HSD17B11: variants seen among roughly 807,000 people sequenced by gnomAD.
HSD17B11 encodes hydroxysteroid 17-beta dehydrogenase 11, also known as estradiol 17-beta-dehydrogenase 11.
HSD17B11 carries 22 observed loss-of-function variants against 27.8 expected under a neutral mutation model. The observed-to-expected ratio is 0.79, with a 90% CI of 0.56 to 1.13. HSD17B11 has a LOEUF of 1.13. HSD17B11 is among the 50% of genes most tolerant of loss of function. The pLI, the probability that HSD17B11 is intolerant of heterozygous loss-of-function variation, is 0.00. For synonymous variants in HSD17B11, 117 were observed against 132.8 expected, an observed-to-expected ratio of 0.88 and a Z score of 0.82; for missense variants, 314 against 351.1, an observed-to-expected ratio of 0.89 and a Z score of 0.84.
At chr4:87,343,696 T>C (rs1039009015) in intron 5 of HSD17B11, among the ~76,000 whole-genome samples, 6 of 151,968 alleles carry the variant, frequency 3.9e-5, no homozygotes, top group Non-Finnish European at 5.9e-5. Context: ...TACAGGCATG[T>C]GCCACCACGC....
chr4:87,382,329 C>T lies in HSD17B11; in HGVS notation c.244G>A (p.Gly82Arg). ...GLEETAAKCK[G>R]LGAKVHTFVV... ...AAGGTATGAACCTTGGCACCCAGTC[C>T]CTTGCATTTGGCAGCTGTTTCCTCC... The change falls in exon 2 of 7, where the codon GGA (glycine) becomes AGA (arginine). Residue 82 changes from glycine to arginine, a missense_variant. Coordinates refer to ENST00000358290, the MANE Select transcript of HSD17B11 (RefSeq NM_016245.5). 6.2e-7 allele frequency: 1 copy of T among 1,613,852 alleles called. No individual in the cohort carries two copies. The highest frequency in any genetic ancestry group is 1.3e-5 in the African/African-American group (1 of 75,016).
At chr4:87,367,947 G>A (rs1417004346) in intron 4 of HSD17B11, among the ~76,000 whole-genome samples, 2 of 152,176 alleles carry the variant, frequency 1.3e-5, no homozygotes, top group African/African-American at 4.8e-5. Flanking sequence ...CCCTTTGTGT[G>A]GGAACACAGG....
At chr4:87,341,198 G>T (rs1050210308) in intron 5 of HSD17B11, among the ~76,000 whole-genome samples, 2 of 151,894 alleles carry the variant, frequency 1.3e-5, no homozygotes, top group African/African-American at 2.4e-5. Context: ...TTGAGGCAGG[G>T]TCTCACTCTG....
At chr4:87,371,286 A>C (rs2110124512) in intron 4 of HSD17B11, among the ~76,000 whole-genome samples, 1 of 152,360 alleles carries the variant, frequency 6.6e-6, no homozygotes, top group Admixed American at 6.5e-5. Flanking sequence ...AGCCATGAAA[A>C]TGATCACACT....
intron 4 of HSD17B11, among the ~76,000 whole-genome samples, chr4:87,370,395 C>G (rs1355949849): frequency 6.6e-6 from 1 of 152,046 alleles, no homozygotes; most frequent in African/African-American, 2.4e-5. Flanking sequence ...TTATAGCATT[C>G]TAAATAAGTT....
At chr4:87,381,387 G>A (rs114590500) in intron 2 of HSD17B11, among the ~76,000 whole-genome samples, 1,776 of 152,208 alleles carry the variant, frequency 0.012, 39 homozygotes, top group African/African-American at 0.041. Flanking sequence ...ACAGGTACAA[G>A]CGAGAATGCG....
intron 2 of HSD17B11, among the ~76,000 whole-genome samples, chr4:87,380,484 A>AAAAAAAAAAAAAAAG (rs1578046554): frequency 7.2e-6 from 1 of 138,644 alleles, no homozygotes; most frequent in African/African-American, 2.6e-5. Flanking sequence ...AAAAAAAAAA[A>AAAAAAAAAAAAAAAG]AAAAGAAAAA....
At chr4:87,378,885 T>TATATATAA (rs1560769299) in intron 2 of HSD17B11, among the ~76,000 whole-genome samples, 25 of 14,076 alleles carry the variant, frequency 1.8e-3, no homozygotes, top group South Asian at 3.6e-3. Flanking sequence ...TATATAAATA[T>TATATATAA]ATATATATAA....
At chr4:87,339,999 T>C (rs1383140594) in intron 6 of HSD17B11, among the ~76,000 whole-genome samples, 2 of 152,182 alleles carry the variant, frequency 1.3e-5, no homozygotes, top group Non-Finnish European at 2.9e-5. Flanking sequence ...TCCCAGGTAA[T>C]GTGTGTAGTC....
chr4:87,358,670 T>C (rs1735439055), intron 4 of HSD17B11, among the ~76,000 whole-genome samples: 1 of 152,176 alleles, frequency 6.6e-6, no homozygotes, highest in Non-Finnish European at 1.5e-5. Flanking sequence ...TGGCAATAAT[T>C]ATCAGATAAT....
At chr4:87,358,829 A>G (rs182740670) in intron 4 of HSD17B11, among the ~76,000 whole-genome samples, 12 of 152,302 alleles carry the variant, frequency 7.9e-5, no homozygotes, top group Middle Eastern at 3.4e-3. Flanking sequence ...AAAAAAGTTT[A>G]GGCACTTATT....
chr4:87,364,487 G>A (rs1735582784), intron 4 of HSD17B11, among the ~76,000 whole-genome samples: 1 of 152,086 alleles, frequency 6.6e-6, no homozygotes, highest in African/African-American at 2.4e-5. Context: ...TACTTTAAGG[G>A]GTGGCTAATA....
intron 5 of HSD17B11, among the ~76,000 whole-genome samples, chr4:87,342,309 G>A (rs978233206): frequency 2.6e-5 from 4 of 151,390 alleles, no homozygotes; most frequent in Admixed American, 6.6e-5. Context: ...TAGAACCCAG[G>A]AGGCAGAGAT....
chr4:87,365,635 C>T (rs145149034), intron 4 of HSD17B11, among the ~76,000 whole-genome samples: 328 of 152,068 alleles, frequency 2.2e-3, no homozygotes, highest in Non-Finnish European at 3.8e-3. Context: ...ACTTAACCAA[C>T]GTTTTCATCA....
At chr4:87,340,432 T>C (rs1181247533) in intron 6 of HSD17B11, 58 bp downstream of exon 6, 1 of 1,076,952 alleles carries the variant, frequency 9.3e-7, no homozygotes, top group Non-Finnish European at 1.4e-6. Flanking sequence ...CAGTAAAAAA[T>C]GCAATAGATA....
At chr4:87,382,584 TAAAA>T (rs1319971904) in intron 1 of HSD17B11, among the ~76,000 whole-genome samples, 1 of 152,232 alleles carries the variant, frequency 6.6e-6, no homozygotes, top group South Asian at 2.1e-4. Flanking sequence ...GCAAGCTTCT[TAAAA>T]GAAGATAAAA....
chr4:87,380,894 A>C (rs1268347895), intron 2 of HSD17B11, among the ~76,000 whole-genome samples: 1 of 125,492 alleles, frequency 8.0e-6, no homozygotes, highest in African/African-American at 3.1e-5. Context: ...AAAAAAAAGA[A>C]CTCAGGCCAG....
intron 5 of HSD17B11, among the ~76,000 whole-genome samples, chr4:87,346,957 A>T (rs975651242): frequency 1.3e-5 from 2 of 151,930 alleles, no homozygotes; most frequent in African/African-American, 4.8e-5. Flanking sequence ...GCTTAAAAAA[A>T]TAATTGGAAC....
chr4:87,380,470 CAAAAAA>C (rs759061081), intron 2 of HSD17B11, among the ~76,000 whole-genome samples: 3 of 39,080 alleles, frequency 7.7e-5, no homozygotes, highest in South Asian at 7.8e-4. Flanking sequence ...AAGACTGTCT[CAAAAAA>C]AAAAAAAAAA....
Sources: allele counts gnomAD v4.1 joint callset (sites outside exome capture counted in the v4.1 genomes callset), GRCh38; gene constraint gnomAD v4.1.1; transcripts MANE v1.5; gene names NCBI Gene and HGNC (gene_info 2026-07-23, HGNC 2026-07-21).